The following HOXC11 variants were observed in gnomAD, a reference collection of about 807,000 sequenced individuals.
HOXC11 encodes homeobox protein Hox-C11.
A neutral mutation model predicts 23.6 loss-of-function variants in HOXC11; 17 were observed. The ratio of observed to expected loss-of-function variants is 0.72; its 90% CI spans 0.49 to 1.08. The LOEUF (loss-of-function observed/expected upper bound fraction) is 1.08, where lower values mean the gene tolerates loss of function less well. HOXC11 is among the 50% of genes least tolerant of loss of function. The probability of loss-of-function intolerance (pLI) is 0.00; values close to 1 mark genes in which losing one functional copy is unlikely to be tolerated. For synonymous variants in HOXC11, 196 were observed against 183.8 expected, an observed-to-expected ratio of 1.07 and a Z score of -0.54; for missense variants, 413 against 412.1, an observed-to-expected ratio of 1.00 and a Z score of -0.02.
Position 53,973,502 on chromosome 12 carries a change from C to A in HOXC11, c.261C>A (p.Asn87Lys). ...LEPSGKWHHR[N>K]SYSSCYAAAD... ...CATCCGGCAAGTGGCACCATCGGAA[C>A]AGCTACTCCTCCTGCTATGCGGCGG... The change falls in exon 1 of 2, where the codon AAC (asparagine) becomes AAA (lysine). Residue 87 changes from asparagine (N) to lysine (K), a missense_variant. Physicochemically the swap from Asn to Lys is moderately conservative, Grantham distance 94 (BLOSUM62 0). Coordinates refer to ENST00000546378, the MANE Select transcript of HOXC11 (RefSeq NM_014212.4). This position sits in a 1 kb window ranked among gnomAD's most constrained non-coding sequence, Gnocchi z 4.3. The A allele has an allele frequency of 6.2e-7, 1 of 1,614,136 alleles. No individual in the cohort carries two copies. The highest frequency in any genetic ancestry group is 8.5e-7 in the Non-Finnish European group (1 of 1,180,030).
Position 53,973,936 on chromosome 12 carries a change from G to A in HOXC11, c.682+13G>A. On this transcript the variant is annotated intron_variant, in intron 1 of 1. Transcript: ENST00000546378. This position sits in a 1 kb window ranked among gnomAD's most constrained non-coding sequence, Gnocchi z 4.3. ...GGAGCCGCCCCCAGTAGGTAGCAGCGGCCGGGGAACGGGCGGGCAGCGAGG... is the reference window on the plus strand; with the variant it reads ...GGAGCCGCCCCCAGTAGGTAGCAGCAGCCGGGGAACGGGCGGGCAGCGAGG... The A allele has an allele frequency of 7.0e-7, 1 of 1,435,798 alleles. No individual in the cohort carries two copies. The highest frequency in any genetic ancestry group is 9.2e-7 in the Non-Finnish European group (1 of 1,092,814). 88.9% of individuals were successfully genotyped at this position (1,435,798 alleles called of 1,614,324 possible). A position where few individuals can be genotyped will look rare whatever the true frequency, so the allele number is the denominator to read the frequency against.
Position 53,973,977 on chromosome 12 carries a change from G to C in HOXC11, c.682+54G>C. On this transcript the variant is annotated intron_variant, in intron 1 of 1. Coordinates refer to ENST00000546378, the MANE Select transcript of HOXC11 (RefSeq NM_014212.4). The surrounding 1 kb of genome is among the most constrained non-coding windows in gnomAD (Gnocchi z 4.3). ...GGCAGCGAGGGAGGGAGCGAGAGAG[G>C]GAGGGCGAGAGAAGGGGGGAGGCAA... is the stretch of plus-strand genomic sequence containing the variant. 7.1e-7 allele frequency: 1 copy of C among 1,404,550 alleles called. No homozygotes were observed. The highest frequency in any genetic ancestry group is 1.5e-5 in the South Asian group (1 of 65,286). The allele number at this position is 1,404,550 out of a possible 1,614,324, so 87.0% of individuals were successfully genotyped here.
chr12:53,973,804 G>T lies in HOXC11; in HGVS notation c.563G>T (p.Gly188Val), dbSNP rs1484716697. The T allele has an allele frequency of 5.7e-6, 9 of 1,575,706 alleles. No homozygotes were observed. The highest frequency in any genetic ancestry group is 1.4e-5 in the African/African-American group (1 of 73,330). Residue 188 changes from glycine (G) to valine (V), a missense_variant, in exon 1 of 2, where the codon GGA becomes GTA. Coordinates refer to ENST00000546378, the MANE Select transcript of HOXC11 (RefSeq NM_014212.4). The surrounding 1 kb of genome is among the most constrained non-coding windows in gnomAD (Gnocchi z 4.3). ...KGEPEAPPASGLASRAEAGAE... is the reference protein window; with the variant it reads ...KGEPEAPPASVLASRAEAGAE... ...GAGCCCGAGGCACCCCCGGCCTCGG[G>T]ACTGGCGTCCCGGGCTGAGGCGGGT...
At position 53,975,379 on chromosome 12, in the gene HOXC11, G is replaced by A. The variant is rs1939237214; in HGVS notation, c.881G>A (p.Arg294Gln). 2 of 1,613,508 alleles carry A rather than the reference G, an allele frequency of 1.2e-6. No homozygotes were observed. Among genetic ancestry groups the A allele is most frequent in the Non-Finnish European group, 1.7e-6 (2 of 1,179,844 alleles). The change falls in exon 2 of 2, where the codon CGG (arginine) becomes CAG (glutamine). Residue 294 changes from arginine to glutamine, a missense_variant. Physicochemically the swap from Arg to Gln is conservative, Grantham distance 43. Coordinates refer to ENST00000546378, the MANE Select transcript of HOXC11 (RefSeq NM_014212.4). ...AAAGAAAAGAAACTGAGCAGAGACC[G>A]GCTGCAGTATTTCTCGGGAAATCCT... ...RMKEKKLSRDRLQYFSGNPLL is the reference protein window; with the variant it reads ...RMKEKKLSRDQLQYFSGNPLL
chr12:53,973,214 C>T lies in HOXC11; in HGVS notation c.-28C>T, dbSNP rs1435459727. 6.6e-7 allele frequency: 1 copy of T among 1,525,596 alleles called. No individual in the cohort carries two copies. Among genetic ancestry groups the T allele is most frequent in the African/African-American group, 1.4e-5 (1 of 72,526 alleles). 94.5% of individuals were successfully genotyped at this position (1,525,596 alleles called of 1,614,324 possible). A position where few individuals can be genotyped will look rare whatever the true frequency, so the allele number is the denominator to read the frequency against. ...CTCGCTAGACCGGGTCCAAAACCTCCATCCGGAGCCGGCAGGAGAGGAGAA... is the reference window on the plus strand; with the variant it reads ...CTCGCTAGACCGGGTCCAAAACCTCTATCCGGAGCCGGCAGGAGAGGAGAA... On this transcript the variant is annotated 5_prime_UTR_variant, in exon 1 of 2. Transcript: ENST00000546378. This position sits in a 1 kb window ranked among gnomAD's most constrained non-coding sequence, Gnocchi z 4.3.
chr12:53,975,670 C>A lies in HOXC11; in HGVS notation c.*257C>A, dbSNP rs1211441832. On this transcript the variant is annotated 3_prime_UTR_variant, in exon 2 of 2. Transcript: ENST00000546378. ...ATGCACGGCGAGTGAACACCGTTGG[C>A]GCCGAGGCCAAGACTTTGATTTAAA... 4 of 582,758 alleles carry A rather than the reference C, an allele frequency of 6.9e-6. No homozygotes were observed. In the South Asian group the frequency reaches 8.8e-5, roughly 13 times the overall value. 36.1% of individuals were successfully genotyped at this position (582,758 alleles called of 1,614,324 possible).
At position 53,975,314 on chromosome 12, in the gene HOXC11, G is replaced by C. The variant is rs1328419515; in HGVS notation, c.816G>C (p.Thr272=). The part of the protein sequence containing the change: ...RLQLSRMLNL[T]DRQVKIWFQN... ...AGCTGTCCCGGATGCTGAACCTGAC[G>C]GACCGACAAGTGAAAATTTGGTTTC... The change falls in exon 2 of 2, where the codon ACG becomes ACC. Residue 272 remains threonine, a synonymous_variant. Transcript: ENST00000546378. The C allele has an allele frequency of 6.2e-7, 1 of 1,613,812 alleles. No homozygotes were observed. The highest frequency in any genetic ancestry group is 1.3e-5 in the African/African-American group (1 of 74,976).
Position 53,975,795 on chromosome 12 carries a change from C to T in HOXC11, c.*382C>T, listed in dbSNP as rs532078100. ...GCCGAACAATCCTCGAACTAAAAGC[C>T]TTCCCTTGCCCATGTGAAAAGATCC... On this transcript the variant is annotated 3_prime_UTR_variant, in exon 2 of 2. Transcript: ENST00000546378. The T allele has an allele frequency of 6.0e-5, 28 of 467,972 alleles. No homozygotes were observed. The South Asian group carries it at 1.3e-3, about 22-fold the overall frequency. 29.0% of individuals were successfully genotyped at this position (467,972 alleles called of 1,614,324 possible). A position where few individuals can be genotyped will look rare whatever the true frequency, so the allele number is the denominator to read the frequency against.
chr12:53,975,048 A>G, intron 1 of HOXC11, 133 bp from the exon 2 acceptor site: 1 of 595,974 alleles, frequency 1.7e-6, no homozygotes, highest in Non-Finnish European at 3.0e-6. Context: ...CAGGAGAGCC[A>G]GCCGCCTGGC....
rs1426543039 is a variant in HOXC11 at position 53,973,402 on chromosome 12, C to T, written c.161C>T (p.Ala54Val). The T allele has an allele frequency of 1.2e-6, 2 of 1,614,116 alleles. No homozygotes were observed. The highest frequency in any genetic ancestry group is 1.3e-5 in the African/African-American group (1 of 74,944). Residue 54 changes from alanine to valine, a missense_variant, in exon 1 of 2, where the codon GCC becomes GTC. By Grantham distance (64) the Ala-to-Val change is moderately conservative. Transcript: ENST00000546378. The surrounding 1 kb of genome is among the most constrained non-coding windows in gnomAD (Gnocchi z 4.3). Reference sequence around the variant, plus strand: ...ACGGTCTCCTCCTTCCTGCCCCAGGCCCCCTCTCGTCAGATCTCCTATCCC... The same window carrying T: ...ACGGTCTCCTCCTTCCTGCCCCAGGTCCCCTCTCGTCAGATCTCCTATCCC... Reference protein sequence around the residue: ...FSTVSSFLPQAPSRQISYPYS... With the variant: ...FSTVSSFLPQVPSRQISYPYS...
intron 1 of HOXC11, among the ~76,000 whole-genome samples, chr12:53,974,282 A>T (rs1481116818): frequency 7.3e-6 from 1 of 136,758 alleles, no homozygotes; most frequent in Admixed American, 7.2e-5. Context: ...TTAAGGAAGT[A>T]TGGGGAGCCG....
rs768935038 is a variant in HOXC11 at position 53,976,127 on chromosome 12, CTT to C, written c.*729_*730del. On this transcript the variant is annotated 3_prime_UTR_variant, in exon 2 of 2. Coordinates refer to ENST00000546378, the MANE Select transcript of HOXC11 (RefSeq NM_014212.4). ...GCTATAGTCTATGCAGTCGTTACCT[CTT>C]TTTTTTTTTTTTTTAAGAAAATTGA... 253 of 180,782 alleles carry C rather than the reference CTT, an allele frequency of 1.4e-3. No homozygotes were observed. The highest frequency in any genetic ancestry group is 5.7e-3 in the Middle Eastern group (3 of 522). The allele number at this position is 180,782 out of a possible 1,614,324, so 11.2% of individuals were successfully genotyped here.
intron 1 of HOXC11, among the ~76,000 whole-genome samples, 187 bp downstream of exon 1, chr12:53,974,110 T>A (rs1338957563): frequency 6.6e-6 from 1 of 150,696 alleles, no homozygotes; most frequent in African/African-American, 2.4e-5. Context: ...TCCCAACGAC[T>A]CGACTTTTTA....
intron 1 of HOXC11, among the ~76,000 whole-genome samples, 199 bp downstream of exon 1, chr12:53,974,122 G>T (rs1397021995): frequency 6.6e-6 from 1 of 151,024 alleles, no homozygotes; most frequent in Non-Finnish European, 1.5e-5. Flanking sequence ...GACTTTTTAC[G>T]ATGGAGAAGG....
rs1037518723 is a variant in HOXC11 at position 53,976,786 on chromosome 12, G to A, written c.*1373G>A. On this transcript the variant is annotated 3_prime_UTR_variant, in exon 2 of 2. Coordinates refer to ENST00000546378, the MANE Select transcript of HOXC11 (RefSeq NM_014212.4). Reference sequence around the variant, plus strand: ...AATTTAAATTTATAGGAATTTTTTTGGCTCCACCGCCCTTCTGCCAGATGT... The same window carrying A: ...AATTTAAATTTATAGGAATTTTTTTAGCTCCACCGCCCTTCTGCCAGATGT... The A allele has an allele frequency of 6.6e-6, 1 of 151,686 alleles. No homozygotes were observed. The highest frequency in any genetic ancestry group is 1.5e-5 in the Non-Finnish European group (1 of 68,006). 9.4% of individuals were successfully genotyped at this position (151,686 alleles called of 1,614,324 possible).
Position 53,973,178 on chromosome 12 carries a change from A to C in HOXC11, c.-64A>C. The C allele has an allele frequency of 1.5e-6, 2 of 1,367,032 alleles. No homozygotes were observed. Among genetic ancestry groups the C allele is most frequent in the South Asian group, 2.8e-5 (2 of 71,524 alleles). The allele number at this position is 1,367,032 out of a possible 1,614,324, so 84.7% of individuals were successfully genotyped here. Reference sequence around the variant, plus strand: ...GATAACGCGTCATCTCGCCTTCCCAAATTTTCCCCCCTCGCTAGACCGGGT... The same window carrying C: ...GATAACGCGTCATCTCGCCTTCCCACATTTTCCCCCCTCGCTAGACCGGGT... On this transcript the variant is annotated 5_prime_UTR_variant, in exon 1 of 2. Coordinates refer to ENST00000546378, the MANE Select transcript of HOXC11 (RefSeq NM_014212.4). This position sits in a 1 kb window ranked among gnomAD's most constrained non-coding sequence, Gnocchi z 4.3.
In HOXC11 at chr12:53,973,305, T is replaced by C; in HGVS notation, c.64T>C (p.Phe22Leu). 1 of 1,613,960 alleles carries C rather than the reference T, an allele frequency of 6.2e-7. No individual in the cohort carries two copies. Among genetic ancestry groups the C allele is most frequent in the Non-Finnish European group, 8.5e-7 (1 of 1,180,004 alleles). The change falls in exon 1 of 2, where the codon TTC (phenylalanine) becomes CTC (leucine). Residue 22 changes from phenylalanine to leucine, a missense_variant. Transcript: ENST00000546378. This position sits in a 1 kb window ranked among gnomAD's most constrained non-coding sequence, Gnocchi z 4.3. ...GTCGCGCAAGGAGAGGGGCGCAGAT[T>C]TCGGCGAGCGAGGGAGCTGCGCCTC... Reference protein sequence around the residue: ...SPSRKERGADFGERGSCASNL... With the variant: ...SPSRKERGADLGERGSCASNL...
rs1274828657 is a variant in HOXC11 at position 53,975,394 on chromosome 12, C to T, written c.896C>T (p.Ser299Leu). ...KLSRDRLQYF[S>L]GNPLL Reference sequence around the variant, plus strand: ...AGCAGAGACCGGCTGCAGTATTTCTCGGGAAATCCTCTGCTGTAACCTGCA... The same window carrying T: ...AGCAGAGACCGGCTGCAGTATTTCTTGGGAAATCCTCTGCTGTAACCTGCA... Residue 299 changes from serine (S) to leucine (L), a missense_variant, in exon 2 of 2, where the codon TCG becomes TTG. Coordinates refer to ENST00000546378, the MANE Select transcript of HOXC11 (RefSeq NM_014212.4). 3 of 1,612,268 alleles carry T rather than the reference C, an allele frequency of 1.9e-6. No individual in the cohort carries two copies. Among genetic ancestry groups the T allele is most frequent in the African/African-American group, 2.7e-5 (2 of 74,652 alleles).
At position 53,973,617 on chromosome 12, in the gene HOXC11, C is replaced by T. The variant is rs767665670; in HGVS notation, c.376C>T (p.His126Tyr). 1.2e-6 allele frequency: 2 copies of T among 1,613,788 alleles called. No homozygotes were observed. Among genetic ancestry groups the T allele is most frequent in the Admixed American group, 3.3e-5 (2 of 60,020 alleles). The change falls in exon 1 of 2, where the codon CAC (histidine) becomes TAC (tyrosine). Residue 126 changes from histidine to tyrosine, a missense_variant. By Grantham distance (83) the His-to-Tyr change is moderately conservative (BLOSUM62 2). Coordinates refer to ENST00000546378, the MANE Select transcript of HOXC11 (RefSeq NM_014212.4). This position sits in a 1 kb window ranked among gnomAD's most constrained non-coding sequence, Gnocchi z 4.3. The stretch of plus-strand genomic sequence containing the variant: ...CGAAGGCTCCTACGGCGGCCACCAC[C>T]ACCCCAGCGCCCCGCACGCAACCCC... ...KNEGSYGGHH[H>Y]PSAPHATPAG... is the part of the protein sequence containing the mutation.
Sources: gnomAD v4.1 joint callset for allele counts (sites outside exome capture counted in the v4.1 genomes callset) on GRCh38, gnomAD v4.1.1 for gene constraint, Gnocchi (gnomAD v3.1) non-coding constraint, MANE v1.5 for transcripts, NCBI Gene and HGNC (gene_info 2026-07-23, HGNC 2026-07-21) for gene names.